Variants in RSF1 observed in about 807,000 individuals in gnomAD.
The protein encoded by RSF1 is remodeling and spacing factor 1, also known as HBV pX-associated protein 8.
Under a neutral mutation model 145.2 loss-of-function variants are expected in RSF1, and 13 were observed. The ratio of observed to expected loss-of-function variants is 0.09; its 90% CI spans 0.06 to 0.14. The LOEUF (loss-of-function observed/expected upper bound fraction) is 0.14, where lower values mean the gene tolerates loss of function less well. Ranked by LOEUF, RSF1 falls within the 10% of genes least tolerant of loss-of-function variation. The probability of loss-of-function intolerance (pLI) is 1.00; values close to 1 mark genes in which losing one functional copy is unlikely to be tolerated. For synonymous variants in RSF1, 577 were observed against 592.6 expected (o/e 0.97, Z 0.38); for missense variants, 1,517 against 1,718.2 (o/e 0.88, Z 2.07).
chr11:77,677,981 A>G (rs1959754750), intron 12 of RSF1, 105 bp downstream of exon 12: 1 of 773,410 alleles, frequency 1.3e-6, no homozygotes. Flanking sequence ...ATCATGATAC[A>G]TAACGGGAAA....
At chr11:77,828,829 C>T in the RSF1 span, among the ~76,000 whole-genome samples, 1 of 152,286 alleles carries the variant, frequency 6.6e-6, no homozygotes, top group East Asian at 1.9e-4. Context: ...GATTCACTCT[C>T]CATCAAAATT....
chr11:77,754,835 G>A (rs189654104), intron 2 of RSF1, among the ~76,000 whole-genome samples: 14 of 152,076 alleles, frequency 9.2e-5, no homozygotes, highest in African/African-American at 1.2e-4. Flanking sequence ...CTGGTATAGC[G>A]GTACACATCT....
At chr11:77,783,059 ACTT>A (rs1172302868) in intron 1 of RSF1, among the ~76,000 whole-genome samples, 1 of 152,228 alleles carries the variant, frequency 6.6e-6, no homozygotes, top group Non-Finnish European at 1.5e-5. Flanking sequence ...AATTAATTAC[ACTT>A]CTTTAAGTTT....
At chr11:77,744,264 ACTGATCCATC>A (rs1337685568) in intron 3 of RSF1, among the ~76,000 whole-genome samples, 8 of 152,100 alleles carry the variant, frequency 5.3e-5, no homozygotes, top group Non-Finnish European at 1.0e-4. Flanking sequence ...CCTGACCTCT[ACTGATCCATC>A]CGCCTCAGCC....
intron 9 of RSF1, among the ~76,000 whole-genome samples, chr11:77,687,289 C>A (rs928483942): frequency 2.6e-5 from 4 of 152,150 alleles, no homozygotes; most frequent in African/African-American, 9.7e-5. Context: ...TGGCTCTGTG[C>A]CAGACTGGTC....
chr11:77,820,910 G>A (rs1948869130), upstream of RSF1: 1 of 594,910 alleles, frequency 1.7e-6, no homozygotes, highest in Non-Finnish European at 2.9e-6. Flanking sequence ...AGTCAGACGG[G>A]AGACAGAGCG....
intron 1 of RSF1, among the ~76,000 whole-genome samples, chr11:77,781,887 C>T (rs1386963301): frequency 6.6e-6 from 1 of 152,078 alleles, no homozygotes; most frequent in Non-Finnish European, 1.5e-5. Flanking sequence ...TTGTATCTTC[C>T]TAATGAACAG....
intron 14 of RSF1, among the ~76,000 whole-genome samples, chr11:77,672,992 T>C (rs761501749): frequency 3.9e-5 from 6 of 152,132 alleles, no homozygotes; most frequent in Non-Finnish European, 7.4e-5. Context: ...CTAAATGTTT[T>C]ATACTTTTTT....
At chr11:77,736,263 G>C (rs1961350203) in intron 4 of RSF1, among the ~76,000 whole-genome samples, 1 of 152,208 alleles carries the variant, frequency 6.6e-6, no homozygotes, top group Admixed American at 6.5e-5. Context: ...CTCAGCCTTT[G>C]AGATATTCTT....
At chr11:77,849,516 A>C in the RSF1 span, among the ~76,000 whole-genome samples, 2 of 151,994 alleles carry the variant, frequency 1.3e-5, no homozygotes, top group South Asian at 4.1e-4. Context: ...GAGCCACTGC[A>C]CCCGGCCTAA....
intron 1 of RSF1, among the ~76,000 whole-genome samples, chr11:77,777,011 T>A (rs499668): frequency 1 from 152,036 of 152,126 alleles, 75,973 homozygotes; most frequent in Middle Eastern, 1. Context: ...AACCATTTTT[T>A]AAAAAAACAA....
At position 77,793,995 on chromosome 11, in the gene RSF1, A is replaced by T. The variant is rs111375023; in HGVS notation, c.187+26533T>A. 1.6e-3 allele frequency among the ~76,000 whole-genome samples: 241 copies of T among 152,356 alleles called. 2 individuals are homozygous for T. The highest frequency in any genetic ancestry group is 5.6e-3 in the African/African-American group (232 of 41,578). On this transcript the variant is annotated intron_variant, in intron 1 of 15. Coordinates refer to ENST00000308488, the MANE Select transcript of RSF1 (RefSeq NM_016578.4). ...TCCAGCAAAAGGATATAACAATTCT[A>T]AACATATATGCACTCAACACTGGAG...
At chr11:77,734,851 T>C (rs1268325406) in intron 4 of RSF1, 1 of 1,586,876 alleles carries the variant, frequency 6.3e-7, no homozygotes, top group Non-Finnish European at 8.6e-7. Context: ...CTCATGAGAT[T>C]GGTGAAGAAA....
intron 2 of RSF1, among the ~76,000 whole-genome samples, chr11:77,753,862 A>T (rs1015282293): frequency 1.3e-5 from 2 of 152,126 alleles, no homozygotes; most frequent in African/African-American, 2.4e-5. Context: ...CTCCACGTGG[A>T]CCTGCCAATC....
At chr11:77,715,735 A>T (rs937150632) in intron 5 of RSF1, among the ~76,000 whole-genome samples, 6 of 152,136 alleles carry the variant, frequency 3.9e-5, no homozygotes, top group African/African-American at 1.4e-4. Context: ...GGCGTGAGCC[A>T]CCACACCCTG....
At chr11:77,813,459 A>C in intron 1 of RSF1, 1 of 1,162,504 alleles carries the variant, frequency 8.6e-7, no homozygotes, top group African/African-American at 1.5e-5. Flanking sequence ...ACGTCTTAGA[A>C]CCTTCACCAC....
the RSF1 span, among the ~76,000 whole-genome samples, chr11:77,836,901 G>T: frequency 6.6e-6 from 1 of 152,100 alleles, no homozygotes; most frequent in Non-Finnish European, 1.5e-5. Context: ...GGAGGCGGAG[G>T]TTGCGGTGAG....
chr11:77,762,856 T>TGG (rs1240575243), intron 2 of RSF1: 1 of 152,088 alleles, frequency 6.6e-6, no homozygotes, highest in Non-Finnish European at 1.5e-5. Context: ...TGTACAATGA[T>TGG]GCCACAAGGA....
intron 15 of RSF1, among the ~76,000 whole-genome samples, chr11:77,668,833 C>T (rs915842359): frequency 6.6e-6 from 1 of 152,162 alleles, no homozygotes; most frequent in Non-Finnish European, 1.5e-5. Context: ...ATCAATCCTC[C>T]ATGGATACTG....
Sources: gnomAD v4.1 joint callset for allele counts (sites outside exome capture counted in the v4.1 genomes callset) on GRCh38, gnomAD v4.1.1 for gene constraint, MANE v1.5 for transcripts, NCBI Gene and HGNC (gene_info 2026-07-23, HGNC 2026-07-21) for gene names.